Variants in ARHGAP15 observed in about 807,000 individuals in gnomAD.
The protein encoded by ARHGAP15 is rho GTPase-activating protein 15.
ARHGAP15 carries 51 observed loss-of-function variants against 63.7 expected under a neutral mutation model. The observed-to-expected ratio is 0.80, with a 90% CI of 0.64 to 1.01. The LOEUF (loss-of-function observed/expected upper bound fraction) is 1.01, where lower values mean the gene tolerates loss of function less well. Among genes scored for constraint, ARHGAP15 ranks in the 50% least tolerant of loss-of-function variants. The probability of loss-of-function intolerance (pLI) is 0.00; values close to 1 mark genes in which losing one functional copy is unlikely to be tolerated. For synonymous variants in ARHGAP15, 191 were observed against 193.8 expected, an observed-to-expected ratio of 0.99 and a Z score of 0.12; for missense variants, 560 against 564.6, an observed-to-expected ratio of 0.99 and a Z score of 0.08.
At chr2:143,623,973 C>T (rs1383384733) in intron 11 of ARHGAP15, among the ~76,000 whole-genome samples, 160 bp from the exon 12 acceptor site, 2 of 151,914 alleles carry the variant, frequency 1.3e-5, no homozygotes, top group Non-Finnish European at 2.9e-5. Context: ...TCCCTTCCTA[C>T]GGAAAGAGGG....
chr2:143,618,195 G>T (rs1272867674), intron 11 of ARHGAP15, among the ~76,000 whole-genome samples: 1 of 152,202 alleles, frequency 6.6e-6, no homozygotes, highest in African/African-American at 2.4e-5. Context: ...CTAGTTGAGT[G>T]ATTCAACCAA....
chr2:143,388,944 T>C (rs1558938417), intron 6 of ARHGAP15, among the ~76,000 whole-genome samples: 1 of 151,852 alleles, frequency 6.6e-6, no homozygotes, highest in Non-Finnish European at 1.5e-5. Context: ...AAGTGGAGAA[T>C]TAATTTTTTT....
At chr2:143,340,523 TTC>T (rs925929463) in intron 6 of ARHGAP15, among the ~76,000 whole-genome samples, 2 of 75,378 alleles carry the variant, frequency 2.7e-5, no homozygotes, top group East Asian at 5.8e-4. Flanking sequence ...GGCAGATTTT[TTC>T]TCTTTTTTTT....
At chr2:143,368,326 A>G (rs2105350854) in intron 6 of ARHGAP15, among the ~76,000 whole-genome samples, 1 of 152,168 alleles carries the variant, frequency 6.6e-6, no homozygotes, top group East Asian at 1.9e-4. Flanking sequence ...GTATCAAAGA[A>G]TCATACACAC....
At chr2:143,436,736 A>G in intron 7 of ARHGAP15, among the ~76,000 whole-genome samples, 177 bp from the exon 8 acceptor site, 1 of 152,226 alleles carries the variant, frequency 6.6e-6, no homozygotes, top group Admixed American at 6.5e-5. Flanking sequence ...TTTAGTAAGT[A>G]CCATCATATA....
At chr2:143,215,691 A>G (rs1273614867) in intron 3 of ARHGAP15, among the ~76,000 whole-genome samples, 1 of 152,228 alleles carries the variant, frequency 6.6e-6, no homozygotes, top group African/African-American at 2.4e-5. Flanking sequence ...GAGTCAACCC[A>G]TCACAATTTG....
chr2:143,323,342 A>C (rs372330783), intron 6 of ARHGAP15, among the ~76,000 whole-genome samples: 1 of 152,240 alleles, frequency 6.6e-6, no homozygotes, highest in African/African-American at 2.4e-5. Flanking sequence ...GAATGAGGTC[A>C]TAAAAGTAGC....
chr2:143,677,820 C>A (rs1682900703), intron 12 of ARHGAP15, among the ~76,000 whole-genome samples: 1 of 152,120 alleles, frequency 6.6e-6, no homozygotes, highest in Non-Finnish European at 1.5e-5. Context: ...AAAATTCTAC[C>A]AGTCTGATAG....
intron 12 of ARHGAP15, among the ~76,000 whole-genome samples, chr2:143,692,205 CA>C (rs1683635987): frequency 6.6e-6 from 1 of 151,754 alleles, no homozygotes; most frequent in Non-Finnish European, 1.5e-5. Flanking sequence ...TAAATTGGGG[CA>C]GGGGGGCAGG....
intron 5 of ARHGAP15, among the ~76,000 whole-genome samples, chr2:143,242,658 T>C (rs1007634066): frequency 6.6e-5 from 10 of 152,230 alleles, no homozygotes; most frequent in Non-Finnish European, 1.5e-5. Flanking sequence ...AATTTCACTG[T>C]AGAAACAATT....
At chr2:143,224,674 T>G (rs557233821) in intron 4 of ARHGAP15, among the ~76,000 whole-genome samples, 31 of 152,232 alleles carry the variant, frequency 2.0e-4, no homozygotes, top group Non-Finnish European at 4.0e-4. Flanking sequence ...TCATATATAG[T>G]GATTTGGTTG....
intron 12 of ARHGAP15, among the ~76,000 whole-genome samples, chr2:143,646,428 T>G (rs1680882448): frequency 6.6e-6 from 1 of 152,092 alleles, no homozygotes; most frequent in Admixed American, 6.6e-5. Context: ...ACAGACTGTC[T>G]GACGCCTTTA....
At chr2:143,320,411 C>CG (rs1304524508) in intron 6 of ARHGAP15, among the ~76,000 whole-genome samples, 73 of 40,668 alleles carry the variant, frequency 1.8e-3, no homozygotes, top group East Asian at 5.8e-3. Flanking sequence ...CTTCCCCACC[C>CG]CCCCCCCCCC....
intron 12 of ARHGAP15, among the ~76,000 whole-genome samples, chr2:143,696,007 G>C (rs1297428025): frequency 6.6e-6 from 1 of 152,170 alleles, no homozygotes; most frequent in Admixed American, 6.6e-5. Context: ...GAATGTATTT[G>C]TGAATGTATC....
At chr2:143,561,658 G>A (rs1397562527) in intron 11 of ARHGAP15, among the ~76,000 whole-genome samples, 1 of 151,822 alleles carries the variant, frequency 6.6e-6, no homozygotes, top group Admixed American at 6.6e-5. Flanking sequence ...TGGGATTACA[G>A]GTGCCCGCCA....
intron 11 of ARHGAP15, among the ~76,000 whole-genome samples, chr2:143,617,278 A>G (rs570093497): frequency 1.3e-5 from 2 of 152,186 alleles, no homozygotes; most frequent in South Asian, 4.1e-4. Context: ...TGATCCAGAA[A>G]TTTGACCTTG....
intron 10 of ARHGAP15, among the ~76,000 whole-genome samples, chr2:143,537,268 C>G (rs1388533068): frequency 1.3e-5 from 2 of 152,022 alleles, no homozygotes; most frequent in African/African-American, 4.8e-5. Context: ...ATTGTAGATT[C>G]TGGATATTAG....
intron 11 of ARHGAP15, among the ~76,000 whole-genome samples, chr2:143,567,134 C>A (rs1696261606): frequency 6.6e-6 from 1 of 152,088 alleles, no homozygotes; most frequent in South Asian, 2.1e-4. Flanking sequence ...CTCGGCCTCC[C>A]AAAGTGCTGG....
chr2:143,291,846 A>G (rs984189146), intron 6 of ARHGAP15, among the ~76,000 whole-genome samples: 2 of 152,144 alleles, frequency 1.3e-5, no homozygotes, highest in Non-Finnish European at 2.9e-5. Context: ...GCTGAAAAGA[A>G]AATTCTTGGT....
Sources: allele counts gnomAD v4.1 joint callset (sites outside exome capture counted in the v4.1 genomes callset), GRCh38; gene constraint gnomAD v4.1.1; transcripts MANE v1.5; gene names NCBI Gene and HGNC (gene_info 2026-07-23, HGNC 2026-07-21).